The following PCNT variants were observed in gnomAD, a reference collection of about 807,000 sequenced individuals.
The protein encoded by PCNT is kendrin.
PCNT carries 319 observed loss-of-function variants against 380.4 expected under a neutral mutation model. The observed-to-expected ratio is 0.84, with a 90% confidence interval of 0.77 to 0.92. PCNT has a LOEUF of 0.92. Ranked by LOEUF, PCNT falls within the 40% of genes least tolerant of loss-of-function variation. The pLI, the probability that PCNT is intolerant of heterozygous loss-of-function variation, is 0.00. For synonymous variants in PCNT, 1,845 were observed against 1,735.2 expected (o/e 1.06, Z -1.57); for missense variants, 4,400 against 4,255.3 (o/e 1.03, Z -0.95).
intron 42 of PCNT, 94 bp downstream of exon 42, chr21:46,440,296 T>C: frequency 7.3e-7 from 1 of 1,363,108 alleles, no homozygotes; most frequent in Non-Finnish European, 1.0e-6. Context: ...CACAAGGTTC[T>C]CGTCTGCCGG....
In PCNT at chr21:46,427,685, G is replaced by C; in HGVS notation, c.7384G>C (p.Glu2462Gln). ...TCTGCAGGTTGTGCAAGAGGCCTTT[G>C]AAAAAGAGCAGGAGATGCAGGGGGT... ...DLLQVVQEAF[E>Q]KEQEMQGVEL... The change falls in exon 34 of 47, where the codon GAA becomes CAA. Residue 2462 changes from glutamate to glutamine, a missense_variant. Glu to Gln is a conservative substitution (Grantham distance 29). Transcript: ENST00000359568. The C allele has an allele frequency of 6.2e-7, 1 of 1,613,930 alleles. No individual in the cohort carries two copies. Among genetic ancestry groups the C allele is most frequent in the Non-Finnish European group, 8.5e-7 (1 of 1,180,016 alleles).
intron 16 of PCNT, among the ~76,000 whole-genome samples, chr21:46,383,612 G>A (rs1382265639): frequency 3.0e-5 from 4 of 133,834 alleles, no homozygotes; most frequent in Non-Finnish European, 6.4e-5. Context: ...CGCATTCATG[G>A]TGTGCGTTCA....
chr21:46,418,938 CCTT>C (rs1296972112), intron 31 of PCNT, among the ~76,000 whole-genome samples: 1 of 152,210 alleles, frequency 6.6e-6, no homozygotes, highest in Non-Finnish European at 1.5e-5. Flanking sequence ...TCCTCCACCT[CCTT>C]CTGTGGGAGA....
intron 15 of PCNT, among the ~76,000 whole-genome samples, chr21:46,367,363 AGTGGC>A (rs2084966378): frequency 6.9e-6 from 1 of 145,920 alleles, no homozygotes; most frequent in South Asian, 2.1e-4. Context: ...GCTGGAGTGC[AGTGGC>A]GCAATCTTGG....
intron 21 of PCNT, among the ~76,000 whole-genome samples, chr21:46,395,451 G>A (rs951056171): frequency 4.1e-5 from 6 of 146,256 alleles, no homozygotes; most frequent in Non-Finnish European, 7.6e-5. Flanking sequence ...AGAGACTTCA[G>A]GACTCAGCAG....
chr21:46,343,227 C>A (rs982322680), intron 3 of PCNT, among the ~76,000 whole-genome samples: 1 of 152,124 alleles, frequency 6.6e-6, no homozygotes, highest in African/African-American at 2.4e-5. Flanking sequence ...TGTCTTTTTC[C>A]AGTTCTAAAA....
chr21:46,425,127 C>T lies in PCNT; in HGVS notation c.7180-704C>T, dbSNP rs1341983148. Among the ~76,000 whole-genome samples, 1 of 152,178 alleles carries T rather than the reference C, an allele frequency of 6.6e-6. No homozygotes were observed. Among genetic ancestry groups the T allele is most frequent in the Non-Finnish European group, 1.5e-5 (1 of 68,036 alleles). On this transcript the variant is annotated intron_variant, in intron 32 of 46. Transcript: ENST00000359568. The surrounding 1 kb of genome is among the most constrained non-coding windows in gnomAD (Gnocchi z 4.2). ...ATGTGGTGGTGACCGCGCTGAGCCT[C>T]TGGGCTCTGGGCTCTAGGCTGGTCG...
At chr21:46,355,720 C>A in intron 12 of PCNT, 94 bp downstream of exon 12, 1 of 1,269,288 alleles carries the variant, frequency 7.9e-7, no homozygotes, top group Non-Finnish European at 1.1e-6. Context: ...TCCAAGTCCT[C>A]CGTGAAGCAG....
chr21:46,336,036 G>A (rs2083724737), intron 3 of PCNT, among the ~76,000 whole-genome samples: 1 of 151,936 alleles, frequency 6.6e-6, no homozygotes, highest in Non-Finnish European at 1.5e-5. Context: ...GAGTGCAGTG[G>A]CGCGATCTCG....
intron 2 of PCNT, among the ~76,000 whole-genome samples, chr21:46,332,957 TAAA>T (rs1163662180): frequency 6.6e-6 from 1 of 151,650 alleles, no homozygotes; most frequent in East Asian, 1.9e-4. Context: ...TACAAAAAAA[TAAA>T]AAATAAGCTG....
At chr21:46,407,866 G>T (rs1413778580) in intron 27 of PCNT, among the ~76,000 whole-genome samples, 1 of 151,890 alleles carries the variant, frequency 6.6e-6, no homozygotes, top group Non-Finnish European at 1.5e-5. Context: ...TTATTTCTTT[G>T]ATTTCTCCTC....
chr21:46,352,344 G>T (rs2084303938), intron 9 of PCNT, among the ~76,000 whole-genome samples: 1 of 152,182 alleles, frequency 6.6e-6, no homozygotes, highest in African/African-American at 2.4e-5. Context: ...CTGAGAGCAT[G>T]TCGATTTATC....
intron 14 of PCNT, among the ~76,000 whole-genome samples, chr21:46,365,296 CAT>C (rs2084862740): frequency 2.3e-5 from 3 of 132,766 alleles, no homozygotes; most frequent in South Asian, 2.5e-4. Context: ...TATTCACTGC[CAT>C]GGGGTTCTAT....
rs375133715 is a variant in PCNT at position 46,432,305 on chromosome 21, G to A, written c.8751+90G>A. ...TTCACGTGGGGGACGCGAGATTTAT[G>A]TCTGGCCCTCTGACCTGGTCTGCTC... On this transcript the variant is annotated intron_variant, in intron 38 of 46. Coordinates refer to ENST00000359568, the MANE Select transcript of PCNT (RefSeq NM_006031.6). 6.2e-6 allele frequency: 8 copies of A among 1,297,618 alleles called. No homozygotes were observed. The Admixed American group carries it at 1.2e-4, about 19-fold the overall frequency. The allele number at this position is 1,297,618 out of a possible 1,614,324, so 80.4% of individuals were successfully genotyped here.
rs1324046662 is a variant in PCNT at position 46,412,850 on chromosome 21, C to T, written c.6008C>T (p.Pro2003Leu). 3 of 1,612,096 alleles carry T rather than the reference C, an allele frequency of 1.9e-6. No individual in the cohort carries two copies. Among genetic ancestry groups the T allele is most frequent in the East Asian group, 2.2e-5 (1 of 44,892 alleles). The change falls in exon 29 of 47, where the codon CCT (proline) becomes CTT (leucine). Residue 2003 changes from proline to leucine, a missense_variant. Transcript: ENST00000359568. ...TCCTCTGTCAAGGGTGATCTGCAGCCTGTCCTGGTGACGTTGAAGGATGCA... is the reference window on the plus strand; with the variant it reads ...TCCTCTGTCAAGGGTGATCTGCAGCTTGTCCTGGTGACGTTGAAGGATGCA... ...VVPDPQGDLQ[P>L]VLVTLKDAPL...
At position 46,355,614 on chromosome 21, in the gene PCNT, G is replaced by A; in HGVS notation, c.1924G>A (p.Gly642Arg). The A allele has an allele frequency of 1.2e-6, 2 of 1,613,702 alleles. No individual in the cohort carries two copies. The highest frequency in any genetic ancestry group is 1.7e-6 in the Non-Finnish European group (2 of 1,179,898). The change falls in exon 12 of 47, where the codon GGG (glycine) becomes AGG (arginine). Residue 642 changes from glycine (G) to arginine (R), a missense_variant. By Grantham distance (125) the Gly-to-Arg change is moderately radical. Coordinates refer to ENST00000359568, the MANE Select transcript of PCNT (RefSeq NM_006031.6). ...CGAGTGGCGTCTGGAACCCTCTGAA[G>A]GGCACAGCCAAGGTGGGCCCCTCCC... ...GHEWRLEPSE[G>R]HSQELPWVHL... is the part of the protein sequence containing the mutation.
At chr21:46,393,979 G>A (rs541574455) in intron 21 of PCNT, among the ~76,000 whole-genome samples, 238 of 152,334 alleles carry the variant, frequency 1.6e-3, no homozygotes, top group African/African-American at 5.3e-3. Flanking sequence ...GAGCCCTTTC[G>A]CAGGCTCGGG....
In PCNT at chr21:46,416,322, C is replaced by CG. The variant is rs1173590566; in HGVS notation, c.6410dup (p.Val2138CysfsTer3). 6.2e-7 allele frequency: 1 copy of CG among 1,613,910 alleles called. No individual in the cohort carries two copies. Among genetic ancestry groups the CG allele is most frequent in the South Asian group, 1.1e-5 (1 of 91,058 alleles). ...GACACATGTGATGCCAATACAGCCA[C>CG]GGGGGGTGTAACTGATGTTATCAAA... On this transcript the variant is annotated frameshift_variant, in exon 30 of 47. Coordinates refer to ENST00000359568, the MANE Select transcript of PCNT (RefSeq NM_006031.6). LOFTEE classifies it high-confidence loss of function.
intron 27 of PCNT, among the ~76,000 whole-genome samples, chr21:46,405,689 C>T (rs938730892): frequency 2.0e-5 from 3 of 151,346 alleles, no homozygotes; most frequent in Non-Finnish European, 4.4e-5. Flanking sequence ...GAGCAAGACT[C>T]GTCTCAAAAA....
Sources: allele counts gnomAD v4.1 joint callset (sites outside exome capture counted in the v4.1 genomes callset), GRCh38; gene constraint gnomAD v4.1.1; non-coding constraint Gnocchi (gnomAD v3.1); transcripts MANE v1.5; gene names NCBI Gene and HGNC (gene_info 2026-07-23, HGNC 2026-07-21).